The following CAPN7 variants were observed in gnomAD, a reference collection of about 807,000 sequenced individuals.
CAPN7 encodes calpain 7, also known as calpain-7.
In CAPN7, 72 loss-of-function variants were observed where a neutral mutation model predicts 115.2. That is an observed-to-expected ratio of 0.63 (90% CI 0.52 to 0.76). The LOEUF is 0.76. Ranked by LOEUF, CAPN7 falls within the 30% of genes least tolerant of loss-of-function variation. The probability of loss-of-function intolerance (pLI) is 0.00; values close to 1 mark genes in which losing one functional copy is unlikely to be tolerated. For synonymous variants in CAPN7, 344 were observed against 322.3 expected (o/e 1.07, Z -0.72); for missense variants, 905 against 971.5 (o/e 0.93, Z 0.91).
chr3:15,221,989 C>CATACGTATACATATACGTATATAGT (rs1277892328), intron 5 of CAPN7, among the ~76,000 whole-genome samples: 12 of 149,236 alleles, frequency 8.0e-5, no homozygotes, highest in Admixed American at 3.3e-4. Flanking sequence ...CGTGTATATA[C>CATACGTATACATATACGTATATAGT]ATACGTATAC....
chr3:15,238,100 T>A (rs1695102033), intron 12 of CAPN7, among the ~76,000 whole-genome samples: 1 of 149,256 alleles, frequency 6.7e-6, no homozygotes, highest in Non-Finnish European at 1.5e-5. Flanking sequence ...TTTATTTAAT[T>A]CTGACTTCTT....
At position 15,241,509 on chromosome 3, in the gene CAPN7, C is replaced by T; in HGVS notation, c.1709C>T (p.Pro570Leu). The change falls in exon 15 of 21, where the codon CCC (proline) becomes CTC (leucine). Residue 570 changes from proline to leucine, a missense_variant. Pro to Leu is a moderately conservative substitution (Grantham distance 98, BLOSUM62 -3). Transcript: ENST00000253693. ...GATGCCTATAGCCTGGCCAACAACCCCCAGTACAAACTGGAGGTGCAGTGT... is the reference window on the plus strand; with the variant it reads ...GATGCCTATAGCCTGGCCAACAACCTCCAGTACAAACTGGAGGTGCAGTGT... ...VKDAYSLANNPQYKLEVQCPQ... is the reference protein window; with the variant it reads ...VKDAYSLANNLQYKLEVQCPQ... 6.2e-7 allele frequency: 1 copy of T among 1,613,882 alleles called. No individual in the cohort carries two copies. The highest frequency in any genetic ancestry group is 8.5e-7 in the Non-Finnish European group (1 of 1,179,808).
At chr3:15,228,893 A>G (rs1432777984) in intron 7 of CAPN7, 81 bp from the exon 8 acceptor site, 4 of 998,594 alleles carry the variant, frequency 4.0e-6, no homozygotes, top group Non-Finnish European at 6.2e-6. Context: ...AAAAGTAGGT[A>G]CTTGGGGCAA....
intron 4 of CAPN7, among the ~76,000 whole-genome samples, chr3:15,219,982 C>T (rs1693869284): frequency 1.3e-5 from 2 of 152,158 alleles, no homozygotes; most frequent in Admixed American, 6.5e-5. Flanking sequence ...GGACGAATCA[C>T]CTGAGGTCAG....
chr3:15,208,940 A>C (rs1452523880), intron 1 of CAPN7, among the ~76,000 whole-genome samples: 1 of 152,122 alleles, frequency 6.6e-6, no homozygotes, highest in African/African-American at 2.4e-5. Context: ...ACTTTTTTTC[A>C]CAAATGTATG....
chr3:15,220,916 T>TATA lies in CAPN7; in HGVS notation c.575_577dup (p.Ile192dup). The stretch of plus-strand genomic sequence containing the variant: ...CCTTCCTTGAAAGACCTCAGTCATT[T>TATA]ATAAGTCCTCAGTCATGTGATGCAC... On this transcript the variant is annotated inframe_insertion, in exon 5 of 21. Coordinates refer to ENST00000253693, the MANE Select transcript of CAPN7 (RefSeq NM_014296.3). 13 of 1,614,182 alleles carry TATA rather than the reference T, an allele frequency of 8.1e-6. No homozygotes were observed. Among genetic ancestry groups the TATA allele is most frequent in the Non-Finnish European group, 1.0e-5 (12 of 1,180,024 alleles).
rs549331934 is a variant in CAPN7 at position 15,248,964 on chromosome 3, C to G, written c.2204+1507C>G. Among the ~76,000 whole-genome samples the G allele has an allele frequency of 1.0e-4, 15 of 144,902 alleles. 1 individual carries two copies. The South Asian group carries it at 3.2e-3, about 31-fold the overall frequency. Reference sequence around the variant, plus strand: ...TGATCCCAGATGATGCCACTGCACTCCAGCCTGGTTGACAGAGCGAGACCC... The same window carrying G: ...TGATCCCAGATGATGCCACTGCACTGCAGCCTGGTTGACAGAGCGAGACCC... On this transcript the variant is annotated intron_variant, in intron 19 of 20. Coordinates refer to ENST00000253693, the MANE Select transcript of CAPN7 (RefSeq NM_014296.3).
intron 3 of CAPN7, 136 bp from the exon 4 acceptor site, chr3:15,218,337 G>A (rs908713469): frequency 4.6e-6 from 3 of 650,794 alleles, no homozygotes; most frequent in Non-Finnish European, 8.0e-6. Flanking sequence ...TTAAGGATGA[G>A]AATTAATGTC....
intron 17 of CAPN7, 65 bp from the exon 18 acceptor site, chr3:15,246,667 T>A: frequency 8.8e-7 from 1 of 1,134,148 alleles, no homozygotes; most frequent in South Asian, 1.3e-5. Context: ...TCCAATATAT[T>A]CATGTATCAC....
intron 1 of CAPN7, among the ~76,000 whole-genome samples, chr3:15,207,908 A>G (rs2044722002): frequency 6.6e-6 from 1 of 152,208 alleles, no homozygotes; most frequent in South Asian, 2.1e-4. Flanking sequence ...AGCATAGTAA[A>G]TACATAAACC....
chr3:15,236,682 G>A (rs1695010829), intron 12 of CAPN7, among the ~76,000 whole-genome samples: 1 of 152,226 alleles, frequency 6.6e-6, no homozygotes, highest in Non-Finnish European at 1.5e-5. Flanking sequence ...CTGTGGTATA[G>A]CCTAGTGCTC....
chr3:15,247,253 A>ATTTTTT, intron 18 of CAPN7, 74 bp from the exon 19 acceptor site: 1 of 920,054 alleles, frequency 1.1e-6, no homozygotes, highest in African/African-American at 2.2e-5. Flanking sequence ...TTTTTTTGAG[A>ATTTTTT]TGGAAAGGAG....
chr3:15,241,539 A>AG lies in CAPN7; in HGVS notation c.1745dup (p.Ala583CysfsTer8). ...TACAAACTGGAGGTGCAGTGTCCAC[A>AG]GGGGGGTGCTGCAGTTTGGGTTTTG... On this transcript the variant is annotated frameshift_variant, in exon 15 of 21. Transcript: ENST00000253693. LOFTEE classifies it high-confidence loss of function. 1 of 1,614,088 alleles carries AG rather than the reference A, an allele frequency of 6.2e-7. No individual in the cohort carries two copies. Among genetic ancestry groups the AG allele is most frequent in the Non-Finnish European group, 8.5e-7 (1 of 1,179,958 alleles).
In CAPN7 at chr3:15,252,111, A is replaced by C. The variant is rs1696030992; in HGVS notation, c.*851A>C. 1 of 152,646 alleles carries C rather than the reference A, an allele frequency of 6.6e-6. No individual in the cohort carries two copies. 9.5% of individuals were successfully genotyped at this position (152,646 alleles called of 1,614,324 possible). On this transcript the variant is annotated 3_prime_UTR_variant, in exon 21 of 21. Coordinates refer to ENST00000253693, the MANE Select transcript of CAPN7 (RefSeq NM_014296.3). ...GATTGGGATATGTAGCATTCAAAAA[A>C]AGTGAATTGCCAAGATACTGGTGTC...
intron 10 of CAPN7, among the ~76,000 whole-genome samples, chr3:15,233,014 C>G (rs1486847644): frequency 2.0e-5 from 3 of 152,148 alleles, no homozygotes; most frequent in Non-Finnish European, 4.4e-5. Flanking sequence ...CTTAACAGAA[C>G]TTAACCTATA....
chr3:15,215,660 A>G (rs757670805), intron 2 of CAPN7, among the ~76,000 whole-genome samples: 2 of 152,226 alleles, frequency 1.3e-5, no homozygotes, highest in Non-Finnish European at 2.9e-5. Flanking sequence ...TGTAGATTGT[A>G]TCAATACTTC....
chr3:15,212,212 G>A lies in CAPN7; in HGVS notation c.211G>A (p.Val71Ile). 1 of 1,535,024 alleles carries A rather than the reference G, an allele frequency of 6.5e-7. No homozygotes were observed. The highest frequency in any genetic ancestry group is 1.2e-5 in the South Asian group (1 of 85,938). Residue 71 changes from valine to isoleucine, a missense_variant and splice_region_variant, in exon 2 of 21, where the codon GTT becomes ATT. Val to Ile is a conservative substitution (Grantham distance 29). Coordinates refer to ENST00000253693, the MANE Select transcript of CAPN7 (RefSeq NM_014296.3). ...AAGAGTTCAAGCTCTACATTCAGCA[G>A]GTTAGTAAAGGACTACTAAACTTGT... ...LERVQALHSA[V>I]QSKSADPLKS...
chr3:15,233,985 T>A lies in CAPN7; in HGVS notation c.1286+12T>A. On this transcript the variant is annotated intron_variant, in intron 11 of 20. Transcript: ENST00000253693. ...ATGCTTTATCAAAGGTAAACATTTT[T>A]CTTTGTTTTATGTGTGTGGTAAATG... 1 of 1,426,280 alleles carries A rather than the reference T, an allele frequency of 7.0e-7. No homozygotes were observed. Among genetic ancestry groups the A allele is most frequent in the Non-Finnish European group, 9.9e-7 (1 of 1,013,230 alleles). The allele number at this position is 1,426,280 out of a possible 1,614,324, so 88.4% of individuals were successfully genotyped here. A position where few individuals can be genotyped will look rare whatever the true frequency, so the allele number is the denominator to read the frequency against.
chr3:15,240,311 T>G (rs1695264512), intron 12 of CAPN7, among the ~76,000 whole-genome samples, 162 bp from the exon 13 acceptor site: 1 of 152,236 alleles, frequency 6.6e-6, no homozygotes, highest in African/African-American at 2.4e-5. Flanking sequence ...TTTACAGTTT[T>G]TGATCGATGT....
Sources: gnomAD v4.1 joint callset for allele counts (sites outside exome capture counted in the v4.1 genomes callset) on GRCh38, gnomAD v4.1.1 for gene constraint, MANE v1.5 for transcripts, NCBI Gene and HGNC (gene_info 2026-07-23, HGNC 2026-07-21) for gene names.